NALF1: variants seen among roughly 807,000 people sequenced by gnomAD.
NALF1 encodes the protein family with sequence similarity 155 member A.
Under a neutral mutation model 48.4 loss-of-function variants are expected in NALF1, and 3 were observed. That is an observed-to-expected ratio of 0.06 (90% confidence interval 0.03 to 0.16). NALF1 has a LOEUF of 0.16. Ranked by LOEUF, NALF1 falls within the 10% of genes least tolerant of loss-of-function variation. NALF1 has a pLI of 1.00. For synonymous variants in NALF1, 262 were observed against 245.7 expected (o/e 1.07, Z -0.62); for missense variants, 526 against 571.5 (o/e 0.92, Z 0.81).
intron 1 of NALF1, among the ~76,000 whole-genome samples, chr13:107,588,869 T>C (rs1169949846): frequency 6.6e-6 from 1 of 152,050 alleles, no homozygotes; most frequent in African/African-American, 2.4e-5. Flanking sequence ...CCTCGGTAAA[T>C]GGCAACGCCA....
intron 1 of NALF1, among the ~76,000 whole-genome samples, chr13:107,289,034 C>G (rs1881562520): frequency 6.6e-6 from 1 of 152,180 alleles, no homozygotes; most frequent in African/African-American, 2.4e-5. Context: ...GCCACCCATT[C>G]TCCTTAACAG....
At chr13:107,315,065 C>G (rs540606366) in intron 1 of NALF1, among the ~76,000 whole-genome samples, 1 of 152,142 alleles carries the variant, frequency 6.6e-6, no homozygotes, top group East Asian at 1.9e-4. Flanking sequence ...ATTCTCAGCC[C>G]TCACTTTAAA....
Position 107,274,804 on chromosome 13 carries a change from T to C in NALF1, c.916-64049A>G, listed in dbSNP as rs182932503. 5.0e-3 allele frequency among the ~76,000 whole-genome samples: 767 copies of C among 152,226 alleles called. 10 individuals carry two copies. The highest frequency in any genetic ancestry group is 0.017 in the African/African-American group (720 of 41,534). On this transcript the variant is annotated intron_variant, in intron 1 of 2. Coordinates refer to ENST00000375915, the MANE Select transcript of NALF1 (RefSeq NM_001080396.3). The stretch of plus-strand genomic sequence containing the variant: ...GCACACTGGGTATGTAAGAGAATAC[T>C]GACAGGGAGATCAGTAAGCAAACTG...
intron 1 of NALF1, among the ~76,000 whole-genome samples, chr13:107,258,564 A>T (rs534301465): frequency 2.0e-5 from 3 of 152,286 alleles, no homozygotes; most frequent in African/African-American, 7.2e-5. Context: ...AACTGTGTAA[A>T]TACATGAAAT....
At chr13:107,632,988 G>T (rs2138450179) in intron 1 of NALF1, among the ~76,000 whole-genome samples, 1 of 151,868 alleles carries the variant, frequency 6.6e-6, no homozygotes, top group Non-Finnish European at 1.5e-5. Context: ...GTGTCTTCAG[G>T]GAGGATTAGC....
intron 1 of NALF1, among the ~76,000 whole-genome samples, chr13:107,316,418 T>G (rs1882151268): frequency 6.6e-6 from 1 of 152,194 alleles, no homozygotes; most frequent in Non-Finnish European, 1.5e-5. Flanking sequence ...TACCCAGTAA[T>G]GGGATGGCTG....
At chr13:107,364,468 GT>G (rs1883116668) in intron 1 of NALF1, among the ~76,000 whole-genome samples, 4 of 152,172 alleles carry the variant, frequency 2.6e-5, no homozygotes, top group Non-Finnish European at 1.5e-5. Context: ...GCTGAAATAG[GT>G]TTCCTGTCAA....
chr13:107,343,728 A>G (rs1283186390), intron 1 of NALF1, among the ~76,000 whole-genome samples: 2 of 152,212 alleles, frequency 1.3e-5, no homozygotes, highest in Admixed American at 1.3e-4. Context: ...CAGCACCAAG[A>G]GCAAAGTTTA....
intron 1 of NALF1, among the ~76,000 whole-genome samples, chr13:107,270,663 ATATTTTTATT>A (rs1265167332): frequency 1.0e-5 from 1 of 97,666 alleles, no homozygotes; most frequent in South Asian, 5.0e-4. Flanking sequence ...ATATATATAT[ATATTTTTATT>A]ATTATTATAC....
chr13:107,428,183 C>G (rs1184393423), intron 1 of NALF1, among the ~76,000 whole-genome samples: 1 of 152,112 alleles, frequency 6.6e-6, no homozygotes, highest in African/African-American at 2.4e-5. Context: ...GGCCCTATTT[C>G]AAGCCTTTCA....
intron 1 of NALF1, among the ~76,000 whole-genome samples, chr13:107,453,760 A>C (rs1344068885): frequency 6.6e-6 from 1 of 152,158 alleles, no homozygotes; most frequent in African/African-American, 2.4e-5. Flanking sequence ...CCAAACTTTT[A>C]TGTTCTGCTC....
intron 1 of NALF1, among the ~76,000 whole-genome samples, chr13:107,580,127 A>G (rs947233952): frequency 3.9e-5 from 6 of 152,164 alleles, no homozygotes; most frequent in African/African-American, 1.2e-4. Flanking sequence ...ATAAAAAATG[A>G]TGAGTTCATG....
At chr13:107,691,678 G>A (rs1391505766) in intron 1 of NALF1, among the ~76,000 whole-genome samples, 1 of 152,080 alleles carries the variant, frequency 6.6e-6, no homozygotes, top group Non-Finnish European at 1.5e-5. Context: ...GTGCTTTGAT[G>A]GTTTTTGTGA....
At chr13:107,772,582 T>C (rs1488663713) in intron 1 of NALF1, among the ~76,000 whole-genome samples, 1 of 152,190 alleles carries the variant, frequency 6.6e-6, no homozygotes, top group Non-Finnish European at 1.5e-5. Flanking sequence ...AGAATGTAGG[T>C]AATATATCAG....
At chr13:107,502,078 G>C (rs543933909) in intron 1 of NALF1, among the ~76,000 whole-genome samples, 7 of 152,128 alleles carry the variant, frequency 4.6e-5, no homozygotes. Context: ...GTTTCATTAA[G>C]GTCAAGAATA....
At chr13:107,187,217 T>C (rs1184441949) in intron 2 of NALF1, among the ~76,000 whole-genome samples, 3 of 150,884 alleles carry the variant, frequency 2.0e-5, no homozygotes, top group Non-Finnish European at 4.4e-5. Flanking sequence ...TAGTTCCATG[T>C]GCAATGTCCC....
intron 1 of NALF1, among the ~76,000 whole-genome samples, chr13:107,763,676 T>C (rs1382551286): frequency 2.0e-5 from 3 of 152,172 alleles, no homozygotes; most frequent in South Asian, 4.1e-4. Flanking sequence ...ACTTCGGTCA[T>C]TGACTTATGT....
At chr13:107,634,441 A>T (rs1412153291) in intron 1 of NALF1, among the ~76,000 whole-genome samples, 1 of 152,196 alleles carries the variant, frequency 6.6e-6, no homozygotes, top group Non-Finnish European at 1.5e-5. Flanking sequence ...AAATGTAAGC[A>T]TGAATTTTTT....
At chr13:107,391,607 T>C (rs756573345) in intron 1 of NALF1, among the ~76,000 whole-genome samples, 1 of 152,126 alleles carries the variant, frequency 6.6e-6, no homozygotes, top group Non-Finnish European at 1.5e-5. Context: ...TGAAGTCGTC[T>C]ATCTGAGAGC....
Sources: allele counts gnomAD v4.1 joint callset (sites outside exome capture counted in the v4.1 genomes callset), GRCh38; gene constraint gnomAD v4.1.1; transcripts MANE v1.5; gene names NCBI Gene and HGNC (gene_info 2026-07-23, HGNC 2026-07-21).